Variants in CHODL observed in about 807,000 individuals in gnomAD.
CHODL encodes transmembrane protein MT75.
CHODL carries 29 observed loss-of-function variants against 34.5 expected under a neutral mutation model. The ratio of observed to expected loss-of-function variants is 0.84; its 90% CI spans 0.63 to 1.15. The LOEUF (loss-of-function observed/expected upper bound fraction) is 1.15. CHODL is among the 50% of genes most tolerant of loss of function. The pLI is 0.00. For missense variants in CHODL, 332 were observed against 332.5 expected (o/e 1.00, Z 0.01); for synonymous variants, 125 against 116.1 (o/e 1.08, Z -0.49).
intron 2 of CHODL, among the ~76,000 whole-genome samples, chr21:18,093,982 C>T (rs981753972): frequency 6.6e-6 from 1 of 152,088 alleles, no homozygotes; most frequent in African/African-American, 2.4e-5. Flanking sequence ...AGGAAACACA[C>T]TTCACCTATA....
chr21:18,001,563 T>A (rs2063906318), intron 1 of CHODL, among the ~76,000 whole-genome samples: 1 of 151,584 alleles, frequency 6.6e-6, no homozygotes, highest in African/African-American at 2.4e-5. Flanking sequence ...AATAGACACA[T>A]GTTTCTGCTG....
chr21:18,005,151 T>C (rs2063948218), intron 1 of CHODL, among the ~76,000 whole-genome samples: 1 of 152,234 alleles, frequency 6.6e-6, no homozygotes, highest in African/African-American at 2.4e-5. Flanking sequence ...CTGAACGCTG[T>C]GGCCAGATCC....
At chr21:18,245,457 TCTC>T (rs138183397) in intron 1 of CHODL, among the ~76,000 whole-genome samples, 155 bp downstream of exon 1, 2,507 of 152,236 alleles carry the variant, frequency 0.016, 37 homozygotes, top group African/African-American at 0.027. Flanking sequence ...ATTGTGCTGT[TCTC>T]CTCCCTCTCT....
intron 1 of CHODL, among the ~76,000 whole-genome samples, chr21:18,255,933 A>C (rs549042332): frequency 6.6e-6 from 1 of 152,184 alleles, no homozygotes; most frequent in African/African-American, 2.4e-5. Flanking sequence ...CTTCCAATGT[A>C]ATATTATATT....
chr21:18,001,360 T>C (rs569828830), intron 1 of CHODL, among the ~76,000 whole-genome samples: 6 of 152,372 alleles, frequency 3.9e-5, no homozygotes, highest in African/African-American at 7.2e-5. Context: ...TTTGGTCTTA[T>C]TGGTCTTGCT....
chr21:17,948,347 G>C (rs1039297878), intron 1 of CHODL, among the ~76,000 whole-genome samples: 7 of 151,424 alleles, frequency 4.6e-5, no homozygotes, highest in South Asian at 2.1e-4. Flanking sequence ...AAAGAAGAAA[G>C]ATCTTAAATA....
chr21:18,226,287 A>G (rs1005112245), intron 2 of CHODL, among the ~76,000 whole-genome samples: 4 of 152,150 alleles, frequency 2.6e-5, no homozygotes, highest in African/African-American at 9.7e-5. Context: ...TCATGATTGA[A>G]AAGGAAATGT....
intron 1 of CHODL, among the ~76,000 whole-genome samples, chr21:18,251,410 TTTTA>T (rs1352541907): frequency 1.2e-5 from 1 of 85,478 alleles, no homozygotes; most frequent in Admixed American, 9.9e-5. Flanking sequence ...AAAATATGTA[TTTTA>T]TTTATTTTAT....
intron 1 of CHODL, among the ~76,000 whole-genome samples, chr21:17,964,410 G>T (rs530230808): frequency 3.9e-5 from 6 of 152,310 alleles, no homozygotes; most frequent in South Asian, 4.1e-4. Flanking sequence ...AAACGAAGGA[G>T]AATTCATTTA....
At chr21:18,232,900 A>ATG (rs2146757521) in intron 2 of CHODL, among the ~76,000 whole-genome samples, 1 of 142,446 alleles carries the variant, frequency 7.0e-6, no homozygotes, top group South Asian at 2.2e-4. Context: ...GGTCCATATA[A>ATG]TTATAATGGT....
chr21:17,943,124 C>T (rs546180625), intron 1 of CHODL, among the ~76,000 whole-genome samples: 130 of 152,250 alleles, frequency 8.5e-4, no homozygotes, highest in African/African-American at 2.9e-3. Flanking sequence ...TTCTTTTTGG[C>T]AGTGTGAGAA....
intron 4 of CHODL, among the ~76,000 whole-genome samples, chr21:18,261,106 T>A (rs934062310): frequency 2.0e-5 from 3 of 152,200 alleles, no homozygotes; most frequent in Non-Finnish European, 4.4e-5. Flanking sequence ...CGCAGTTAAA[T>A]GTAGATAAAA....
At chr21:18,067,508 G>A (rs1312137255) in intron 2 of CHODL, among the ~76,000 whole-genome samples, 1 of 152,192 alleles carries the variant, frequency 6.6e-6, no homozygotes, top group African/African-American at 2.4e-5. Context: ...CTTGGAGAGA[G>A]ACATGGAACA....
In CHODL at chr21:18,262,840, C is replaced by T. The variant is rs764128639; in HGVS notation, c.684C>T (p.Leu228=). 1 of 1,611,026 alleles carries T rather than the reference C, an allele frequency of 6.2e-7. No individual in the cohort carries two copies. Among genetic ancestry groups the T allele is most frequent in the Non-Finnish European group, 8.5e-7 (1 of 1,177,610 alleles). Residue 228 remains leucine (L), a synonymous_variant, in exon 5 of 6, where the codon CTC becomes CTT. Transcript: ENST00000299295. ...IYVVIPTIPL[L]LLILVAFGTC... ...TTGTTATACCAACAATACCCCTGCT[C>T]TTACTGATACTGGTTGCTTTTGGAA...
chr21:17,944,940 G>A (rs960111122), intron 1 of CHODL, among the ~76,000 whole-genome samples: 2 of 152,236 alleles, frequency 1.3e-5, no homozygotes, highest in African/African-American at 2.4e-5. Flanking sequence ...GCCAGGCGCG[G>A]TGGCTTACGC....
At chr21:17,952,593 G>A (rs1185475483) in intron 1 of CHODL, among the ~76,000 whole-genome samples, 1 of 152,104 alleles carries the variant, frequency 6.6e-6, no homozygotes, top group Non-Finnish European at 1.5e-5. Context: ...ATTTTTTCAG[G>A]TTGAGGAGAA....
intron 2 of CHODL, among the ~76,000 whole-genome samples, chr21:18,199,903 C>T (rs1039955072): frequency 1.3e-4 from 20 of 152,134 alleles, no homozygotes; most frequent in African/African-American, 4.6e-4. Context: ...AACAAAGCCG[C>T]TGTAATCAAT....
At chr21:18,184,133 A>G (rs1412152297) in intron 2 of CHODL, among the ~76,000 whole-genome samples, 2 of 152,208 alleles carry the variant, frequency 1.3e-5, no homozygotes, top group African/African-American at 2.4e-5. Context: ...TTGTATTGCT[A>G]AAAATAGCAT....
chr21:18,173,694 A>G (rs1274209194), intron 2 of CHODL, among the ~76,000 whole-genome samples: 1 of 152,020 alleles, frequency 6.6e-6, no homozygotes, highest in Non-Finnish European at 1.5e-5. Flanking sequence ...TGCTATCTAC[A>G]TTGGTCTTCT....
Sources: allele counts gnomAD v4.1 joint callset (sites outside exome capture counted in the v4.1 genomes callset), GRCh38; gene constraint gnomAD v4.1.1; transcripts MANE v1.5; gene names NCBI Gene and HGNC (gene_info 2026-07-23, HGNC 2026-07-21).